PRDM10: variants seen among roughly 807,000 people sequenced by gnomAD.
PRDM10 encodes the protein PR/SET domain 10, also known as PR domain zinc finger protein 10.
In PRDM10, 65 loss-of-function variants were observed where a neutral mutation model predicts 133.1. That is an observed-to-expected ratio of 0.49 (90% CI 0.40 to 0.60). The LOEUF (loss-of-function observed/expected upper bound fraction) is 0.60. PRDM10 is among the 20% of genes least tolerant of loss of function. The pLI, the probability that PRDM10 is intolerant of heterozygous loss-of-function variation, is 0.00. For synonymous variants in PRDM10, 582 were observed against 580.4 expected, an observed-to-expected ratio of 1.00 and a Z score of -0.04; for missense variants, 1,137 against 1,507.1, an observed-to-expected ratio of 0.75 and a Z score of 4.07.
chr11:129,925,005 A>C lies in PRDM10; in HGVS notation c.1755T>G (p.Ser585=). The change falls in exon 12 of 21, where the codon TCT becomes TCG. Residue 585 remains serine (S), a synonymous_variant. Transcript: ENST00000360871. ...MKLHSDQKTY[S]CIFCPESFDR... ...CAAAGGATTCTGGGCAAAAAATGCA[A>C]GAGTAAGTCTTCTGGTCTGAGTGGA... The C allele has an allele frequency of 6.2e-7, 1 of 1,614,190 alleles. No homozygotes were observed. The highest frequency in any genetic ancestry group is 8.5e-7 in the Non-Finnish European group (1 of 1,180,020).
At chr11:129,986,224 A>G (rs1565512547) in intron 1 of PRDM10, among the ~76,000 whole-genome samples, 1 of 152,164 alleles carries the variant, frequency 6.6e-6, no homozygotes, top group Non-Finnish European at 1.5e-5. Context: ...CTTGTGGCTT[A>G]GGATGGCAAC....
chr11:129,915,893 T>A (rs1168177690), intron 15 of PRDM10, 33 bp from the exon 16 acceptor site: 1 of 1,576,320 alleles, frequency 6.3e-7, no homozygotes, highest in Non-Finnish European at 8.6e-7. Flanking sequence ...ATGAAAGCAG[T>A]ATACAGTTCC....
At chr11:130,000,265 A>G (rs1379487731) in intron 1 of PRDM10, among the ~76,000 whole-genome samples, 2 of 152,152 alleles carry the variant, frequency 1.3e-5, no homozygotes, top group African/African-American at 4.8e-5. Context: ...GCTAGTCTCG[A>G]ACTCCTGACC....
intron 1 of PRDM10, among the ~76,000 whole-genome samples, chr11:129,996,278 T>G (rs1939060271): frequency 6.6e-6 from 1 of 152,230 alleles, no homozygotes; most frequent in Non-Finnish European, 1.5e-5. Context: ...GTCTTGACAC[T>G]TCAACAAGGG....
rs759866154 is a variant in PRDM10 at position 129,945,040 on chromosome 11, A to T, written c.521-28T>A. On this transcript the variant is annotated intron_variant, in intron 5 of 20. Coordinates refer to ENST00000360871, the MANE Select transcript of PRDM10 (RefSeq NM_199437.2). This position sits in a 1 kb window ranked among gnomAD's most constrained non-coding sequence, Gnocchi z 4.2. ...GCAAAAGAGAGACAGTCTTGAAGAAAAGTCCAATTCCTCAGTGTGACTTGA... is the reference window on the plus strand; with the variant it reads ...GCAAAAGAGAGACAGTCTTGAAGAATAGTCCAATTCCTCAGTGTGACTTGA... The T allele has an allele frequency of 1.4e-5, 23 of 1,606,392 alleles. No homozygotes were observed. The highest frequency in any genetic ancestry group is 1.8e-5 in the Non-Finnish European group (21 of 1,178,194).
chr11:129,960,321 A>C (rs955675078), intron 2 of PRDM10, among the ~76,000 whole-genome samples: 2 of 152,202 alleles, frequency 1.3e-5, no homozygotes, highest in Admixed American at 6.5e-5. Context: ...ATTCCATACC[A>C]AAAATGCAGA....
At position 129,983,364 on chromosome 11, in the gene PRDM10, A is replaced by G. The variant is rs571407276; in HGVS notation, c.-119+19358T>C. Among the ~76,000 whole-genome samples the G allele has an allele frequency of 5.3e-3, 789 of 149,270 alleles. 8 individuals are homozygous for G. Among genetic ancestry groups the G allele is most frequent in the African/African-American group, 0.018 (743 of 40,428 alleles). On this transcript the variant is annotated intron_variant, in intron 1 of 20. Transcript: ENST00000360871. Reference sequence around the variant, plus strand: ...GGCTGGAGTGCAGTGGCGCGATCTCAGCTCACTGCAAGCTCTGCCTCCCAG... The same window carrying G: ...GGCTGGAGTGCAGTGGCGCGATCTCGGCTCACTGCAAGCTCTGCCTCCCAG...
intron 10 of PRDM10, among the ~76,000 whole-genome samples, chr11:129,931,580 T>TTTC (rs1950863662): frequency 6.6e-6 from 1 of 151,080 alleles, no homozygotes; most frequent in South Asian, 2.1e-4. Context: ...TATTTTATTT[T>TTTC]TTTTTTGAGA....
Position 129,936,480 on chromosome 11 carries a change from T to C in PRDM10, c.1039+1118A>G, listed in dbSNP as rs188226694. Among the ~76,000 whole-genome samples the C allele has an allele frequency of 3.9e-3, 593 of 151,982 alleles. 2 individuals are homozygous for C. The highest frequency in any genetic ancestry group is 0.013 in the African/African-American group (547 of 41,474). On this transcript the variant is annotated intron_variant, in intron 8 of 20. Transcript: ENST00000360871. Reference sequence around the variant, plus strand: ...CATCCTGGCTAACACAGTGAAACCCTGTCTCTACCAAAAATACAAAAAATT... The same window carrying C: ...CATCCTGGCTAACACAGTGAAACCCCGTCTCTACCAAAAATACAAAAAATT...
intron 1 of PRDM10, among the ~76,000 whole-genome samples, chr11:129,983,441 C>G (rs995697210): frequency 2.0e-5 from 3 of 151,884 alleles, no homozygotes; most frequent in African/African-American, 7.3e-5. Context: ...ACTACAGGTG[C>G]CCCCCACCGC....
intron 1 of PRDM10, among the ~76,000 whole-genome samples, chr11:129,985,909 T>C (rs1591697083): frequency 6.6e-6 from 1 of 150,670 alleles, no homozygotes; most frequent in African/African-American, 2.4e-5. Flanking sequence ...GAGGTTCATA[T>C]GTAGTCTCTG....
At chr11:130,000,176 T>C (rs1939273403) in intron 1 of PRDM10, among the ~76,000 whole-genome samples, 1 of 152,000 alleles carries the variant, frequency 6.6e-6, no homozygotes, top group South Asian at 2.1e-4. Context: ...CCCGAGTAGT[T>C]GGGATTACAG....
rs553325875 is a variant in PRDM10 at position 129,945,104 on chromosome 11, G to C, written c.521-92C>G. The C allele has an allele frequency of 8.7e-6, 13 of 1,493,530 alleles. No homozygotes were observed. In the East Asian group the frequency reaches 2.7e-4, roughly 31 times the overall value. 92.5% of individuals were successfully genotyped at this position (1,493,530 alleles called of 1,614,324 possible). ...ATTCTGACCCGAAAAATCCCCGTCTGCATTTTCAAGCCAAAATTCAATGAA... is the reference window on the plus strand; with the variant it reads ...ATTCTGACCCGAAAAATCCCCGTCTCCATTTTCAAGCCAAAATTCAATGAA... On this transcript the variant is annotated intron_variant, in intron 5 of 20. Coordinates refer to ENST00000360871, the MANE Select transcript of PRDM10 (RefSeq NM_199437.2). This position sits in a 1 kb window ranked among gnomAD's most constrained non-coding sequence, Gnocchi z 4.2.
chr11:129,945,650 C>G lies in PRDM10; in HGVS notation c.521-638G>C, dbSNP rs1951382238. 6.6e-6 allele frequency among the ~76,000 whole-genome samples: 1 copy of G among 152,172 alleles called. No homozygotes were observed. ...GCCCATTCCAAGAGCACTCGGTTTG[C>G]ACCAGTCCGGCCACACGCCCTGCCT... On this transcript the variant is annotated intron_variant, in intron 5 of 20. Coordinates refer to ENST00000360871, the MANE Select transcript of PRDM10 (RefSeq NM_199437.2). The surrounding 1 kb of genome is among the most constrained non-coding windows in gnomAD (Gnocchi z 4.2).
intron 1 of PRDM10, among the ~76,000 whole-genome samples, chr11:129,995,928 A>G (rs1295571044): frequency 6.6e-6 from 1 of 152,060 alleles, no homozygotes; most frequent in African/African-American, 2.4e-5. Flanking sequence ...CCTGGGCAAC[A>G]GAGCGGGACT....
In PRDM10 at chr11:129,953,669, G is replaced by A. The variant is rs113908667; in HGVS notation, c.294+1843C>T. On this transcript the variant is annotated intron_variant, in intron 4 of 20. Transcript: ENST00000360871. ...TAGAATTCTGGGTTTTTATTTCATT[G>A]GTTTGGTTTTTATATTTGTATGTTT... Among the ~76,000 whole-genome samples, 620 of 151,784 alleles carry A rather than the reference G, an allele frequency of 4.1e-3. 2 individuals are homozygous for A. Among genetic ancestry groups the A allele is most frequent in the African/African-American group, 0.014 (585 of 41,430 alleles).
intron 1 of PRDM10, among the ~76,000 whole-genome samples, chr11:129,997,519 G>A (rs900814267): frequency 2.6e-5 from 4 of 152,132 alleles, no homozygotes; most frequent in South Asian, 2.1e-4. Context: ...GTTCTTTCAC[G>A]AGCTGGTCCA....
At chr11:129,940,417 A>C (rs1245525875) in intron 7 of PRDM10, among the ~76,000 whole-genome samples, 4 of 152,258 alleles carry the variant, frequency 2.6e-5, no homozygotes, top group African/African-American at 7.2e-5. Context: ...GAAATGTTTT[A>C]TGAAATGCAA....
rs1247941142 is a variant in PRDM10, at chr11:129,931,393, T to C, written c.1288-135A>G. 2.5e-6 allele frequency: 3 copies of C among 1,211,452 alleles called. No individual in the cohort carries two copies. The African/African-American group carries it at 4.6e-5, about 19-fold the overall frequency. 75.0% of individuals were successfully genotyped at this position (1,211,452 alleles called of 1,614,324 possible). ...ATATTCTCCCTCTGGGAAAGTTAATTAGGTAACTATGCACAGAAGGCAAAA... is the reference window on the plus strand; with the variant it reads ...ATATTCTCCCTCTGGGAAAGTTAATCAGGTAACTATGCACAGAAGGCAAAA... On this transcript the variant is annotated intron_variant, in intron 10 of 20. Coordinates refer to ENST00000360871, the MANE Select transcript of PRDM10 (RefSeq NM_199437.2).
Sources: allele counts gnomAD v4.1 joint callset (sites outside exome capture counted in the v4.1 genomes callset), GRCh38; gene constraint gnomAD v4.1.1; non-coding constraint Gnocchi (gnomAD v3.1); transcripts MANE v1.5; gene names NCBI Gene and HGNC (gene_info 2026-07-23, HGNC 2026-07-21).